The following FRMPD4 variants were observed in gnomAD, a reference collection of about 807,000 sequenced individuals.
The protein encoded by FRMPD4 is FERM and PDZ domain-containing protein 4.
FRMPD4 carries 22 observed loss-of-function variants against 94.1 expected under a neutral mutation model. That is an observed-to-expected ratio of 0.23 (90% CI 0.17 to 0.33). The LOEUF is 0.33. Ranked by LOEUF, FRMPD4 falls within the 10% of genes least tolerant of loss-of-function variation. FRMPD4 has a pLI of 1.00. For synonymous variants in FRMPD4, 631 were observed against 548.6 expected (o/e 1.15, Z -2.10); for missense variants, 1,111 against 1,339.9 (o/e 0.83, Z 2.67).
At chrX:12,023,336 C>T (rs180943200) in intron 3 of FRMPD4, among the ~76,000 whole-genome samples, 42 of 111,589 alleles carry the variant, frequency 3.8e-4, no homozygotes, top group Non-Finnish European at 6.6e-4. Context: ...GACTAAGACA[C>T]ACCAGGAGAC....
chrX:12,200,189 A>C (rs897919515), intron 1 of FRMPD4, among the ~76,000 whole-genome samples: 8 of 111,884 alleles, frequency 7.2e-5, no homozygotes, highest in African/African-American at 2.6e-4. Context: ...CTCAGGCAGA[A>C]AGGGAGTTTG....
At chrX:11,851,761 G>C (rs2053623377) in intron 1 of FRMPD4, among the ~76,000 whole-genome samples, 1 of 111,092 alleles carries the variant, frequency 9.0e-6, no homozygotes, top group Admixed American at 9.6e-5. Context: ...AGGTTTCTAA[G>C]ACAAAGACCT....
At chrX:12,360,700 T>C (rs1233048668) in intron 1 of FRMPD4, among the ~76,000 whole-genome samples, 2 of 111,593 alleles carry the variant, frequency 1.8e-5, no homozygotes, top group African/African-American at 6.5e-5. Context: ...CCTTACTAGT[T>C]ACAAACTAAT....
intron 1 of FRMPD4, among the ~76,000 whole-genome samples, chrX:12,335,143 T>C (rs1220189687): frequency 1.8e-5 from 2 of 109,741 alleles, no homozygotes; most frequent in African/African-American, 3.3e-5. Flanking sequence ...TTCTTTCTTT[T>C]TTTTTTTTAA....
At chrX:12,033,997 A>G (rs758371423) in intron 3 of FRMPD4, among the ~76,000 whole-genome samples, 3 of 112,842 alleles carry the variant, frequency 2.7e-5, no homozygotes, top group South Asian at 3.7e-4. Flanking sequence ...GCGCCTGGCC[A>G]GAGGAGGTAT....
chrX:12,252,096 CAAA>C (rs1162007118), intron 1 of FRMPD4, among the ~76,000 whole-genome samples: 12 of 112,095 alleles, frequency 1.1e-4, no homozygotes, highest in Non-Finnish European at 2.1e-4. Flanking sequence ...TAGCACAACT[CAAA>C]AAGGCCTTGT....
rs759712041 is a variant in FRMPD4 at position 12,686,153 on chromosome X, G to A, written c.630G>A (p.Leu210=). ...LFMPNVLKVY[L]ENGQTKSFRF... is the part of the protein sequence containing the mutation. The stretch of plus-strand genomic sequence containing the variant: ...TGCCAAATGTTTTGAAAGTCTATCT[G>A]GAAAATGGGCAGACCAAATCATTTC... The change falls in exon 7 of 17, where the codon CTG becomes CTA. Residue 210 remains leucine (L), a synonymous_variant. Transcript: ENST00000675598. 8 of 1,190,881 alleles carry A rather than the reference G, an allele frequency of 6.7e-6. No homozygotes were observed. In the South Asian group the frequency reaches 1.1e-4, roughly 16 times the overall value.
chrX:12,182,433 G>A (rs777224383), intron 1 of FRMPD4, among the ~76,000 whole-genome samples: 2 of 110,864 alleles, frequency 1.8e-5, no homozygotes, highest in South Asian at 7.7e-4. Flanking sequence ...TCAAGATTCT[G>A]AGATCTAACA....
intron 3 of FRMPD4, among the ~76,000 whole-genome samples, chrX:12,003,815 A>G (rs1397121999): frequency 8.9e-6 from 1 of 112,392 alleles, no homozygotes; most frequent in Non-Finnish European, 1.9e-5. Flanking sequence ...CCACCCAAAT[A>G]TACATCATTA....
chrX:12,350,990 A>C (rs1296727183), intron 1 of FRMPD4, among the ~76,000 whole-genome samples: 1 of 111,625 alleles, frequency 9.0e-6, no homozygotes, highest in Non-Finnish European at 1.9e-5. Flanking sequence ...CCTGGCCAAC[A>C]TGGTGAAACC....
chrX:12,556,239 G>A (rs1208371664), intron 2 of FRMPD4, among the ~76,000 whole-genome samples: 1 of 110,667 alleles, frequency 9.0e-6, no homozygotes, highest in Admixed American at 9.6e-5. Flanking sequence ...TACTTAGCAT[G>A]GCAAAGGTGG....
At chrX:12,059,604 T>C (rs1296841687) in intron 3 of FRMPD4, among the ~76,000 whole-genome samples, 2 of 109,955 alleles carry the variant, frequency 1.8e-5, no homozygotes, top group Non-Finnish European at 3.8e-5. Context: ...TTTTCAATCC[T>C]TGTCCCCCTT....
At chrX:12,500,362 C>T (rs5979639) in intron 2 of FRMPD4, among the ~76,000 whole-genome samples, 3,870 of 111,468 alleles carry the variant, frequency 0.035, 185 homozygotes, top group African/African-American at 0.12. Context: ...GTCTTTTGTA[C>T]CAACCCCCGC....
intron 9 of FRMPD4, among the ~76,000 whole-genome samples, chrX:12,695,763 A>AT (rs1277583665): frequency 9.8e-6 from 1 of 102,492 alleles, no homozygotes; most frequent in South Asian, 4.3e-4. Flanking sequence ...CTGAATGATG[A>AT]TTTTTTTCTT....
At chrX:12,638,954 A>C (rs778372842) in intron 4 of FRMPD4, among the ~76,000 whole-genome samples, 1 of 111,471 alleles carries the variant, frequency 9.0e-6, no homozygotes, top group South Asian at 3.8e-4. Flanking sequence ...TTTCTTGTAG[A>C]TTCCCAGGAT....
chrX:12,458,743 G>A (rs1409179195), intron 1 of FRMPD4, among the ~76,000 whole-genome samples: 2 of 111,672 alleles, frequency 1.8e-5, no homozygotes, highest in African/African-American at 3.3e-5. Context: ...CAGTCTCCAC[G>A]ACTTTGGTCG....
At chrX:11,931,187 A>ATG (rs764072368) in intron 3 of FRMPD4, among the ~76,000 whole-genome samples, 4 of 111,905 alleles carry the variant, frequency 3.6e-5, no homozygotes, top group Non-Finnish European at 5.6e-5. Flanking sequence ...GCTACTGTGC[A>ATG]TGTGTGTGTG....
chrX:11,878,735 G>A (rs2053798468), intron 3 of FRMPD4, among the ~76,000 whole-genome samples: 1 of 112,198 alleles, frequency 8.9e-6, no homozygotes, highest in Non-Finnish European at 1.9e-5. Context: ...TTGGAATGCT[G>A]ATTGGAAAAT....
intron 2 of FRMPD4, among the ~76,000 whole-genome samples, chrX:11,876,275 A>G (rs2053784815): frequency 9.0e-6 from 1 of 111,282 alleles, no homozygotes; most frequent in Non-Finnish European, 1.9e-5. Flanking sequence ...TTTGCTTTTG[A>G]ACAATCCATC....
Sources: gnomAD v4.1 joint callset for allele counts (sites outside exome capture counted in the v4.1 genomes callset) on GRCh38, gnomAD v4.1.1 for gene constraint, MANE v1.5 for transcripts, NCBI Gene and HGNC (gene_info 2026-07-23, HGNC 2026-07-21) for gene names.